ASIC2: variants seen among roughly 807,000 people sequenced by gnomAD.
The protein encoded by ASIC2 is acid-sensing ion channel 2.
ASIC2 carries 25 observed loss-of-function variants against 57.3 expected under a neutral mutation model. The ratio of observed to expected loss-of-function variants is 0.44; its 90% CI spans 0.32 to 0.61. The LOEUF is 0.61. Among genes scored for constraint, ASIC2 ranks in the 20% least tolerant of loss-of-function variants. The pLI, the probability that ASIC2 is intolerant of heterozygous loss-of-function variation, is 0.06. For synonymous variants in ASIC2, 319 were observed against 307.5 expected (o/e 1.04, Z -0.39); for missense variants, 641 against 738.1 (o/e 0.87, Z 1.52).
At chr17:33,213,564 T>C (rs906037309) in intron 1 of ASIC2, among the ~76,000 whole-genome samples, 1 of 152,194 alleles carries the variant, frequency 6.6e-6, no homozygotes, top group Non-Finnish European at 1.5e-5. Context: ...AGGTTCCTGA[T>C]AGCTTAGTCC....
intron 1 of ASIC2, among the ~76,000 whole-genome samples, chr17:33,835,615 T>C (rs1002883127): frequency 2.0e-5 from 3 of 152,202 alleles, no homozygotes; most frequent in Non-Finnish European, 4.4e-5. Flanking sequence ...AGATAATTTC[T>C]AATGTTAGAG....
intron 1 of ASIC2, among the ~76,000 whole-genome samples, chr17:34,127,720 G>A (rs1197018510): frequency 6.6e-6 from 1 of 152,136 alleles, no homozygotes; most frequent in African/African-American, 2.4e-5. Context: ...GGAGGAGTCC[G>A]ATGCCACCTG....
At chr17:33,851,620 A>G (rs906981570) in intron 1 of ASIC2, among the ~76,000 whole-genome samples, 5 of 152,348 alleles carry the variant, frequency 3.3e-5, no homozygotes, top group African/African-American at 1.2e-4. Flanking sequence ...TAGGGTTCTC[A>G]ATCTCAGCAC....
At chr17:33,873,010 C>T in intron 1 of ASIC2, among the ~76,000 whole-genome samples, 1 of 152,132 alleles carries the variant, frequency 6.6e-6, no homozygotes, top group South Asian at 2.1e-4. Flanking sequence ...AGACTTAAGA[C>T]AGAGACAAGA....
At chr17:33,933,641 G>A (rs1189219367) in intron 1 of ASIC2, among the ~76,000 whole-genome samples, 1 of 152,164 alleles carries the variant, frequency 6.6e-6, no homozygotes, top group Non-Finnish European at 1.5e-5. Flanking sequence ...AGGGGATGAG[G>A]ACCAACTTAG....
chr17:33,143,265 T>C (rs1016266322), intron 1 of ASIC2, among the ~76,000 whole-genome samples: 24 of 152,172 alleles, frequency 1.6e-4, no homozygotes, highest in African/African-American at 5.8e-4. Flanking sequence ...GGGACAAATA[T>C]AGGTTGGACT....
At chr17:33,070,876 T>G (rs191737708) in intron 3 of ASIC2, among the ~76,000 whole-genome samples, 1 of 152,150 alleles carries the variant, frequency 6.6e-6, no homozygotes, top group Non-Finnish European at 1.5e-5. Context: ...TTACTAGATA[T>G]AGATTTTTAG....
rs1180758117 is a variant in ASIC2, at chr17:33,481,697, A to G, written c.556-369630T>C. Among the ~76,000 whole-genome samples, 4 of 152,156 alleles carry G rather than the reference A, an allele frequency of 2.6e-5. No homozygotes were observed. The East Asian group carries it at 7.7e-4, about 29-fold the overall frequency. Reference sequence around the variant, plus strand: ...AACCTGCTCAAGGTTTTTTTAAACCATTTAAAACAAAAACAAAACAAAACC... The same window carrying G: ...AACCTGCTCAAGGTTTTTTTAAACCGTTTAAAACAAAAACAAAACAAAACC... On this transcript the variant is annotated intron_variant, in intron 1 of 9. Coordinates refer to the ASIC2 transcript ENST00000359872.
chr17:33,660,216 G>A (rs933790389), intron 1 of ASIC2, among the ~76,000 whole-genome samples: 5 of 152,022 alleles, frequency 3.3e-5, no homozygotes, highest in African/African-American at 4.8e-5. Flanking sequence ...GGACATTCCT[G>A]TACACTCTTG....
intron 1 of ASIC2, among the ~76,000 whole-genome samples, chr17:33,600,316 C>T (rs768986167): frequency 6.6e-5 from 10 of 152,192 alleles, no homozygotes; most frequent in Non-Finnish European, 1.0e-4. Flanking sequence ...TATGACATAG[C>T]GAGAAGGTCC....
At chr17:33,438,052 A>C (rs1291201660) in intron 1 of ASIC2, among the ~76,000 whole-genome samples, 1 of 152,184 alleles carries the variant, frequency 6.6e-6, no homozygotes, top group African/African-American at 2.4e-5. Flanking sequence ...TCTAACCAGA[A>C]GCCCTCTGGG....
chr17:33,038,604 C>A (rs1203906220), intron 3 of ASIC2, among the ~76,000 whole-genome samples: 1 of 152,174 alleles, frequency 6.6e-6, no homozygotes, highest in Non-Finnish European at 1.5e-5. Flanking sequence ...CTCCACTGTG[C>A]TATGGAACTG....
chr17:33,796,252 A>G (rs1181614111), intron 1 of ASIC2, among the ~76,000 whole-genome samples: 1 of 152,136 alleles, frequency 6.6e-6, no homozygotes, highest in African/African-American at 2.4e-5. Context: ...CATGGAATAC[A>G]CACCAGAGTG....
intron 1 of ASIC2, among the ~76,000 whole-genome samples, chr17:33,226,815 T>C (rs531991519): frequency 1.3e-5 from 2 of 152,162 alleles, no homozygotes; most frequent in Admixed American, 1.3e-4. Context: ...CCAATAGAAA[T>C]ATAAAAAGAG....
chr17:33,698,026 G>T (rs972357220), intron 1 of ASIC2, among the ~76,000 whole-genome samples: 2 of 152,194 alleles, frequency 1.3e-5, no homozygotes, highest in Non-Finnish European at 2.9e-5. Context: ...TGCTTATTTA[G>T]ATGTGATGTT....
At chr17:33,885,313 T>C (rs934658538) in intron 1 of ASIC2, among the ~76,000 whole-genome samples, 3 of 152,154 alleles carry the variant, frequency 2.0e-5, no homozygotes, top group Non-Finnish European at 4.4e-5. Context: ...ACTTACCTCA[T>C]AGGATTTTCG....
At chr17:33,652,295 G>A (rs1401064137) in intron 1 of ASIC2, among the ~76,000 whole-genome samples, 4 of 152,116 alleles carry the variant, frequency 2.6e-5, no homozygotes, top group Non-Finnish European at 4.4e-5. Context: ...GACTCTGCCT[G>A]GAGACTCTGA....
chr17:33,734,769 A>T (rs1329268391), intron 1 of ASIC2, among the ~76,000 whole-genome samples: 1 of 152,184 alleles, frequency 6.6e-6, no homozygotes, highest in East Asian at 1.9e-4. Flanking sequence ...ATTTGAGGGC[A>T]CAGTGAAGAA....
intron 1 of ASIC2, among the ~76,000 whole-genome samples, chr17:33,148,242 T>C (rs982900619): frequency 6.6e-6 from 1 of 152,176 alleles, no homozygotes; most frequent in African/African-American, 2.4e-5. Context: ...CAAAGAAACA[T>C]TGACACATAC....
Sources: gnomAD v4.1 joint callset for allele counts (sites outside exome capture counted in the v4.1 genomes callset) on GRCh38, gnomAD v4.1.1 for gene constraint, MANE v1.5 for transcripts, NCBI Gene and HGNC (gene_info 2026-07-23, HGNC 2026-07-21) for gene names.